The following CFAP210 variants were observed in gnomAD, a reference collection of about 807,000 sequenced individuals.
CFAP210 encodes the protein cilia and flagella associated protein 210.
the CFAP210 span, chr2:169,646,326 A>T: frequency 1.3e-5 from 8 of 633,350 alleles, no homozygotes; most frequent in Non-Finnish European, 2.2e-5. Context: ...ATATACTATC[A>T]TTTATTTCAG....
chr2:169,650,616 C>A, the CFAP210 span: 1 of 1,350,912 alleles, frequency 7.4e-7, no homozygotes, highest in South Asian at 2.2e-5. Flanking sequence ...ATTTTGCAGT[C>A]TCTTACAAAA....
the CFAP210 span, among the ~76,000 whole-genome samples, chr2:169,673,947 A>G: frequency 3.9e-5 from 6 of 152,158 alleles, no homozygotes; most frequent in East Asian, 5.8e-4. Flanking sequence ...TTCCTTTGGT[A>G]GTTTAGATTT....
the CFAP210 span, among the ~76,000 whole-genome samples, chr2:169,657,070 C>T: frequency 6.6e-6 from 1 of 151,570 alleles, no homozygotes; most frequent in Non-Finnish European, 1.5e-5. Flanking sequence ...ACCAGACACC[C>T]CTGCACTTTA....
At chr2:169,660,913 T>C in the CFAP210 span, 1 of 424,200 alleles carries the variant, frequency 2.4e-6, no homozygotes, top group South Asian at 1.9e-5. Context: ...TGATGGTACA[T>C]TATTAATCCT....
chr2:169,646,308 TAAC>T, the CFAP210 span: 2 of 694,724 alleles, frequency 2.9e-6, no homozygotes, highest in East Asian at 2.6e-5. Context: ...AGTTCTGATT[TAAC>T]AACTATATAC....
the CFAP210 span, chr2:169,681,072 T>G: frequency 3.8e-5 from 61 of 1,613,956 alleles, no homozygotes; most frequent in Non-Finnish European, 5.2e-5. Flanking sequence ...TTCTTTGCCT[T>G]TCTTTCTGCA....
At chr2:169,684,972 G>A in the CFAP210 span, among the ~76,000 whole-genome samples, 1 of 152,018 alleles carries the variant, frequency 6.6e-6, no homozygotes, top group South Asian at 2.1e-4. Context: ...CCTTTTTATG[G>A]CTGAGTAATA....
the CFAP210 span, among the ~76,000 whole-genome samples, chr2:169,680,672 C>A: frequency 1.3e-5 from 2 of 152,166 alleles, no homozygotes; most frequent in South Asian, 2.1e-4. Flanking sequence ...GGAAGCAGAT[C>A]GGTGGTTACC....
chr2:169,691,726 C>A, the CFAP210 span, among the ~76,000 whole-genome samples: 2 of 152,148 alleles, frequency 1.3e-5, no homozygotes, highest in Non-Finnish European at 2.9e-5. Context: ...AAAAACTGTA[C>A]ATATATGTGT....
At chr2:169,658,654 A>G in the CFAP210 span, 1 of 189,068 alleles carries the variant, frequency 5.3e-6, no homozygotes, top group South Asian at 1.0e-4. Flanking sequence ...TCACTAAAAA[A>G]CTGTATTCTC....
At chr2:169,692,382 G>T in the CFAP210 span, among the ~76,000 whole-genome samples, 1 of 151,312 alleles carries the variant, frequency 6.6e-6, no homozygotes, top group African/African-American at 2.4e-5. Context: ...CCTTCTTGCC[G>T]CATCATAACA....
At chr2:169,672,411 G>A in the CFAP210 span, among the ~76,000 whole-genome samples, 3 of 152,122 alleles carry the variant, frequency 2.0e-5, no homozygotes, top group Non-Finnish European at 2.9e-5. Flanking sequence ...ATTACAAGGC[G>A]AAGTCCCACA....
chr2:169,659,549 A>G, the CFAP210 span, among the ~76,000 whole-genome samples: 1 of 152,222 alleles, frequency 6.6e-6, no homozygotes, highest in Non-Finnish European at 1.5e-5. Context: ...CAGCACTAGG[A>G]GGATGGTGTT....
At chr2:169,680,537 G>T in the CFAP210 span, among the ~76,000 whole-genome samples, 1 of 152,196 alleles carries the variant, frequency 6.6e-6, no homozygotes, top group Non-Finnish European at 1.5e-5. Context: ...CCATCAAAAA[G>T]TGACCAAATA....
the CFAP210 span, among the ~76,000 whole-genome samples, chr2:169,682,606 C>T: frequency 6.6e-6 from 1 of 152,148 alleles, no homozygotes; most frequent in African/African-American, 2.4e-5. Flanking sequence ...CATGCTTGCA[C>T]TCTAACTGTA....
At chr2:169,676,071 A>T in the CFAP210 span, among the ~76,000 whole-genome samples, 1 of 152,086 alleles carries the variant, frequency 6.6e-6, no homozygotes, top group South Asian at 2.1e-4. Context: ...TACTATTGAG[A>T]TGTAATTTAA....
At chr2:169,674,255 A>G in the CFAP210 span, among the ~76,000 whole-genome samples, 1 of 152,138 alleles carries the variant, frequency 6.6e-6, no homozygotes, top group Non-Finnish European at 1.5e-5. Context: ...CAATAAGCAA[A>G]CCCAGCCAGT....
chr2:169,651,884 T>G, the CFAP210 span, among the ~76,000 whole-genome samples: 26,415 of 151,550 alleles, frequency 0.17, 2,796 homozygotes, highest in African/African-American at 0.29. Context: ...CCTTTTTTTT[T>G]TTTTTTTTTA....
the CFAP210 span, chr2:169,674,440 G>T: frequency 1.5e-6 from 1 of 666,326 alleles, no homozygotes. Context: ...GAAAGTGATA[G>T]CGATTTTTAA....
Sources: gnomAD v4.1 joint callset for allele counts (sites outside exome capture counted in the v4.1 genomes callset) on GRCh38, gnomAD v4.1.1 for gene constraint, MANE v1.5 for transcripts, NCBI Gene and HGNC (gene_info 2026-07-23, HGNC 2026-07-21) for gene names.